HECTD4: variants seen among roughly 807,000 people sequenced by gnomAD.
HECTD4 encodes the protein probable E3 ubiquitin-protein ligase HECTD4.
HECTD4 carries 114 observed loss-of-function variants against 471.5 expected under a neutral mutation model. The ratio of observed to expected loss-of-function variants is 0.24; its 90% CI spans 0.21 to 0.28. HECTD4 has a LOEUF of 0.28. Ranked by LOEUF, HECTD4 falls within the 10% of genes least tolerant of loss-of-function variation. HECTD4 has a pLI of 1.00. For missense variants in HECTD4, 3,866 were observed against 5,651.5 expected, an observed-to-expected ratio of 0.68 and a Z score of 10.13; for synonymous variants, 2,012 against 2,256.0, an observed-to-expected ratio of 0.89 and a Z score of 3.07.
intron 7 of HECTD4, among the ~76,000 whole-genome samples, chr12:112,283,666 A>G (rs977892477): frequency 6.6e-6 from 1 of 152,256 alleles, no homozygotes; most frequent in African/African-American, 2.4e-5. Flanking sequence ...AAGGACAACT[A>G]TGAGGATAAT....
At position 112,160,850 on chromosome 12, in the gene HECTD4, G is replaced by A. The variant is rs1009216280; in HGVS notation, c.*1537C>T. On this transcript the variant is annotated 3_prime_UTR_variant, in exon 76 of 76. Coordinates refer to ENST00000682272, the MANE Select transcript of HECTD4 (RefSeq NM_001388303.1). ...TTCTTTCAAAGCAGGGGAACTGCTT[G>A]CGGGCACTCACCTCCAGAGTTGACT... 1 of 152,178 alleles carries A rather than the reference G, an allele frequency of 6.6e-6. No homozygotes were observed. Among genetic ancestry groups the A allele is most frequent in the Non-Finnish European group, 1.5e-5 (1 of 68,040 alleles). 9.4% of individuals were successfully genotyped at this position (152,178 alleles called of 1,614,324 possible).
intron 13 of HECTD4, among the ~76,000 whole-genome samples, chr12:112,268,737 C>G (rs962765510): frequency 7.2e-6 from 1 of 138,342 alleles, no homozygotes; most frequent in East Asian, 2.2e-4. Flanking sequence ...GCCTGGGCAA[C>G]AAGAGTGAAA....
chr12:112,257,942 C>A (rs2135596663), intron 20 of HECTD4, among the ~76,000 whole-genome samples: 1 of 152,284 alleles, frequency 6.6e-6, no homozygotes, highest in East Asian at 1.9e-4. Flanking sequence ...GTAATCCCAG[C>A]ACTTTGGGAG....
rs2031304787 is a variant in HECTD4 at position 112,173,367 on chromosome 12, T to G, written c.11595-506A>C. Reference sequence around the variant, plus strand: ...CACTTTGCTTGCCTAATTTTAAAATTTTAATTTTTTAATTTTTTTATTTTT... The same window carrying G: ...CACTTTGCTTGCCTAATTTTAAAATGTTAATTTTTTAATTTTTTTATTTTT... On this transcript the variant is annotated intron_variant, in intron 66 of 75. Coordinates refer to ENST00000682272, the MANE Select transcript of HECTD4 (RefSeq NM_001388303.1). This position sits in a 1 kb window ranked among gnomAD's most constrained non-coding sequence, Gnocchi z 4.3. 6.6e-6 allele frequency among the ~76,000 whole-genome samples: 1 copy of G among 151,836 alleles called. No individual in the cohort carries two copies. Among genetic ancestry groups the G allele is most frequent in the South Asian group, 2.1e-4 (1 of 4,810 alleles).
At position 112,210,019 on chromosome 12, in the gene HECTD4, C is replaced by T. The variant is rs2135542570; in HGVS notation, c.7863G>A (p.Gln2621=). ...PCRIAAVATA[Q]QQYDSDTSCH... is the part of the protein sequence containing the mutation. ...AAGTTCCAGGAGGTGACTTACGTTG[C>T]TGAGCGGTGGCCACGGCAGCAATCC... Residue 2621 remains glutamine, a synonymous_variant, in exon 50 of 76, where the codon CAG becomes CAA. Coordinates refer to ENST00000682272, the MANE Select transcript of HECTD4 (RefSeq NM_001388303.1). 1 of 1,612,280 alleles carries T rather than the reference C, an allele frequency of 6.2e-7. No individual in the cohort carries two copies. The highest frequency in any genetic ancestry group is 8.5e-7 in the Non-Finnish European group (1 of 1,179,006).
At chr12:112,233,248 GT>G (rs2033426562) in intron 37 of HECTD4, among the ~76,000 whole-genome samples, 163 bp from the exon 38 acceptor site, 1 of 145,536 alleles carries the variant, frequency 6.9e-6, no homozygotes, top group Non-Finnish European at 1.5e-5. Context: ...TTGAGACAGG[GT>G]GTTGCTCTTT....
At chr12:112,303,724 G>A (rs906015832) in intron 7 of HECTD4, among the ~76,000 whole-genome samples, 4 of 151,680 alleles carry the variant, frequency 2.6e-5, no homozygotes, top group East Asian at 1.9e-4. Flanking sequence ...GGTCATGCAC[G>A]CCTAAGTCCC....
intron 17 of HECTD4, 135 bp from the exon 18 acceptor site, chr12:112,261,564 T>A: frequency 1.2e-6 from 1 of 863,662 alleles, no homozygotes; most frequent in Non-Finnish European, 1.7e-6. Context: ...CCCAAAGCAG[T>A]AAATTCTGCT....
intron 1 of HECTD4, among the ~76,000 whole-genome samples, chr12:112,369,340 CTTTTTTTT>C (rs763174549): frequency 7.7e-6 from 1 of 129,232 alleles, no homozygotes; most frequent in Admixed American, 8.0e-5. Flanking sequence ...CCTAGGATTT[CTTTTTTTT>C]TTTTTTTTTT....
At chr12:112,190,655 A>G (rs1000962122) in intron 60 of HECTD4, 131 bp downstream of exon 60, 1 of 707,914 alleles carries the variant, frequency 1.4e-6, no homozygotes, top group Non-Finnish European at 2.3e-6. Flanking sequence ...AATGACAGCA[A>G]TCTGAAGGAG....
chr12:112,342,461 AAAAC>A (rs944738037), intron 1 of HECTD4, among the ~76,000 whole-genome samples: 4 of 152,200 alleles, frequency 2.6e-5, no homozygotes, highest in African/African-American at 7.2e-5. Flanking sequence ...TGTCTATTTA[AAAAC>A]AAACAAACAA....
At chr12:112,315,379 G>A (rs2035458378) in intron 2 of HECTD4, among the ~76,000 whole-genome samples, 1 of 152,198 alleles carries the variant, frequency 6.6e-6, no homozygotes, top group South Asian at 2.1e-4. Context: ...AACCAAGTAG[G>A]CCTAGAGTCT....
chr12:112,313,250 A>C (rs2035406414), intron 3 of HECTD4, 103 bp from the exon 4 acceptor site: 1 of 730,414 alleles, frequency 1.4e-6, no homozygotes, highest in Admixed American at 3.1e-5. Context: ...TTTAAAACTA[A>C]GATGTATAAT....
At chr12:112,263,934 A>T in intron 17 of HECTD4, 150 bp downstream of exon 17, 1 of 653,218 alleles carries the variant, frequency 1.5e-6, no homozygotes, top group Non-Finnish European at 2.3e-6. Flanking sequence ...ATGACATAAA[A>T]AATCTATGGA....
chr12:112,375,688 A>G (rs888749070), intron 1 of HECTD4, among the ~76,000 whole-genome samples: 2 of 152,198 alleles, frequency 1.3e-5, no homozygotes, highest in Non-Finnish European at 2.9e-5. Context: ...ATGAAATGCA[A>G]TGCAAAATGC....
chr12:112,167,735 A>ATGTGTCT, intron 71 of HECTD4, 79 bp downstream of exon 71: 1 of 1,316,106 alleles, frequency 7.6e-7, no homozygotes, highest in Non-Finnish European at 1.1e-6. Flanking sequence ...CTTTGATGAG[A>ATGTGTCT]CACACACTGC....
intron 1 of HECTD4, among the ~76,000 whole-genome samples, chr12:112,372,233 C>G (rs2036691013): frequency 6.6e-6 from 1 of 151,682 alleles, no homozygotes; most frequent in African/African-American, 2.4e-5. Context: ...CCACCTCAGC[C>G]TCCCAAGTAG....
At chr12:112,336,522 C>G (rs1235661497) in intron 1 of HECTD4, among the ~76,000 whole-genome samples, 1 of 126,180 alleles carries the variant, frequency 7.9e-6, no homozygotes, top group African/African-American at 2.9e-5. Flanking sequence ...GACTCCGTCT[C>G]AAAAAAAAAA....
At position 112,216,307 on chromosome 12, in the gene HECTD4, C is replaced by A; in HGVS notation, c.7450G>T (p.Val2484Leu). Residue 2484 changes from valine to leucine, a missense_variant, in exon 48 of 76, where the codon GTG (valine) becomes TTG (leucine). Coordinates refer to ENST00000682272, the MANE Select transcript of HECTD4 (RefSeq NM_001388303.1). The part of the protein sequence containing the change: ...LLQWKSVRLD[V>L]TLSPGDVAGI... ...CTGCACTCACCGGGGGAGAGAGTCA[C>A]GTCTAAGCGAACGCTCTTCCACTGT... The A allele has an allele frequency of 1.3e-6, 2 of 1,553,702 alleles. No homozygotes were observed. Among genetic ancestry groups the A allele is most frequent in the Non-Finnish European group, 1.7e-6 (2 of 1,147,598 alleles).
Sources: allele counts gnomAD v4.1 joint callset (sites outside exome capture counted in the v4.1 genomes callset), GRCh38; gene constraint gnomAD v4.1.1; non-coding constraint Gnocchi (gnomAD v3.1); transcripts MANE v1.5; gene names NCBI Gene and HGNC (gene_info 2026-07-23, HGNC 2026-07-21).